The following NSUN6 variants were observed in gnomAD, a reference collection of about 807,000 sequenced individuals.
The protein encoded by NSUN6 is tRNA (cytosine(72)-C(5))-methyltransferase NSUN6.
A neutral mutation model predicts 58.0 loss-of-function variants in NSUN6; 64 were observed. That is an observed-to-expected ratio of 1.10 (90% CI 0.90 to 1.36). The LOEUF is 1.36. Ranked by LOEUF, NSUN6 falls within the 40% of genes most tolerant of loss-of-function variation. NSUN6 has a pLI of 0.00. For missense variants in NSUN6, 701 were observed against 550.1 expected, an observed-to-expected ratio of 1.27 and a Z score of -2.74; for synonymous variants, 231 against 193.9, an observed-to-expected ratio of 1.19 and a Z score of -1.59.
chr10:18,627,597 G>A (rs1590123946), intron 3 of NSUN6, among the ~76,000 whole-genome samples: 1 of 152,204 alleles, frequency 6.6e-6, no homozygotes. Flanking sequence ...TGCCTCACTC[G>A]GGAAGCACAA....
intron 6 of NSUN6, among the ~76,000 whole-genome samples, chr10:18,600,931 A>AAG (rs2057780648): frequency 2.7e-5 from 1 of 37,302 alleles, no homozygotes; most frequent in Non-Finnish European, 5.8e-5. Flanking sequence ...CCATCTCAAA[A>AAG]AAAAAAAAAA....
chr10:18,554,100 T>C (rs2054805384), intron 8 of NSUN6, among the ~76,000 whole-genome samples: 1 of 147,796 alleles, frequency 6.8e-6, no homozygotes, highest in African/African-American at 2.5e-5. Context: ...TGGAATGGAA[T>C]GGACAGGAAT....
chr10:18,568,551 C>T (rs1184894900), intron 8 of NSUN6, among the ~76,000 whole-genome samples: 1 of 149,996 alleles, frequency 6.7e-6, no homozygotes, highest in Non-Finnish European at 1.5e-5. Flanking sequence ...CATTCCAATC[C>T]ATTCTCCTTT....
upstream of NSUN6, chr10:18,654,981 G>C: frequency 1.4e-6 from 1 of 690,786 alleles, no homozygotes; most frequent in Non-Finnish European, 1.8e-6. Flanking sequence ...ATCAATCTTG[G>C]ATTGGTTCAT....
Position 18,545,752 on chromosome 10 carries a change from T to C in NSUN6, c.*181A>G, listed in dbSNP as rs528168608. On this transcript the variant is annotated 3_prime_UTR_variant, in exon 11 of 11. Coordinates refer to ENST00000377304, the MANE Select transcript of NSUN6 (RefSeq NM_182543.5). ...AATCTTTTAAAAACAGAAAATATAA[T>C]CTCATACCACCCCCTACTTCCTCTA... 5.4e-6 allele frequency: 3 copies of C among 554,964 alleles called. No individual in the cohort carries two copies. The African/African-American group carries it at 5.9e-5, about 11-fold the overall frequency. 34.4% of individuals were successfully genotyped at this position (554,964 alleles called of 1,614,324 possible).
chr10:18,627,152 T>TC (rs2058840263), intron 3 of NSUN6, among the ~76,000 whole-genome samples: 1 of 152,172 alleles, frequency 6.6e-6, no homozygotes, highest in Non-Finnish European at 1.5e-5. Context: ...AAAATATATT[T>TC]CACCAGTACC....
intron 6 of NSUN6, among the ~76,000 whole-genome samples, chr10:18,598,766 G>A (rs982821169): frequency 1.3e-5 from 2 of 152,096 alleles, no homozygotes; most frequent in African/African-American, 4.8e-5. Flanking sequence ...ATACCTGGCA[G>A]CAAGTTTTAT....
chr10:18,622,343 C>A (rs899378045), intron 3 of NSUN6, among the ~76,000 whole-genome samples: 1 of 152,150 alleles, frequency 6.6e-6, no homozygotes, highest in Admixed American at 6.6e-5. Flanking sequence ...TACTGGCACA[C>A]GTCGTGGATT....
intron 8 of NSUN6, among the ~76,000 whole-genome samples, chr10:18,562,364 CATGAAGAAGA>C (rs1158261952): frequency 7.5e-6 from 1 of 133,960 alleles, no homozygotes; most frequent in Non-Finnish European, 1.6e-5. Flanking sequence ...AACGGAATAG[CATGAAGAAGA>C]ATGGAGGATA....
chr10:18,569,463 C>T (rs1325772946), intron 8 of NSUN6, among the ~76,000 whole-genome samples: 2 of 151,134 alleles, frequency 1.3e-5, no homozygotes, highest in Admixed American at 6.6e-5. Context: ...ACCTCCATTC[C>T]ATTCCTTTCC....
intron 3 of NSUN6, among the ~76,000 whole-genome samples, chr10:18,639,104 C>G (rs2059315772): frequency 6.6e-6 from 1 of 151,798 alleles, no homozygotes; most frequent in African/African-American, 2.4e-5. Context: ...AACAAACAAA[C>G]AAAAAACAAC....
chr10:18,585,793 A>T (rs554764861), intron 8 of NSUN6, among the ~76,000 whole-genome samples, 156 bp downstream of exon 8: 1 of 56,396 alleles, frequency 1.8e-5, no homozygotes, highest in East Asian at 2.6e-3. Context: ...GTAAATTTCA[A>T]ATTACCACAA....
chr10:18,617,794 T>C (rs2131368475), intron 3 of NSUN6, among the ~76,000 whole-genome samples: 1 of 152,128 alleles, frequency 6.6e-6, no homozygotes, highest in Non-Finnish European at 1.5e-5. Flanking sequence ...GCTGTTCAGG[T>C]CATGAGTGCT....
intron 3 of NSUN6, among the ~76,000 whole-genome samples, chr10:18,624,556 C>T (rs2058720408): frequency 1.4e-5 from 2 of 140,932 alleles, no homozygotes; most frequent in Admixed American, 7.7e-5. Flanking sequence ...GAGGCTGAGG[C>T]AGGAGAATGG....
At chr10:18,587,383 T>A (rs976569766) in intron 7 of NSUN6, among the ~76,000 whole-genome samples, 2 of 152,190 alleles carry the variant, frequency 1.3e-5, no homozygotes, top group Admixed American at 1.3e-4. Context: ...CCAAAACCTC[T>A]GTATAGCATA....
At chr10:18,624,873 T>C (rs2058736156) in intron 3 of NSUN6, among the ~76,000 whole-genome samples, 1 of 152,076 alleles carries the variant, frequency 6.6e-6, no homozygotes, top group Admixed American at 6.5e-5. Flanking sequence ...TGGCTCACAA[T>C]TCCTAAACTC....
At chr10:18,591,362 C>G (rs2131165101) in intron 7 of NSUN6, among the ~76,000 whole-genome samples, 1 of 151,542 alleles carries the variant, frequency 6.6e-6, no homozygotes, top group East Asian at 1.9e-4. Context: ...AAAATGATTC[C>G]TCATTTTATG....
At chr10:18,639,502 AT>A (rs1224316912) in intron 3 of NSUN6, among the ~76,000 whole-genome samples, 3 of 152,356 alleles carry the variant, frequency 2.0e-5, no homozygotes, top group Middle Eastern at 3.4e-3. Context: ...CTCAAAAAAA[AT>A]AAAAACAAAA....
Position 18,616,203 on chromosome 10 carries a change from T to G in NSUN6, c.402A>C (p.Gly134=), listed in dbSNP as rs771157758. ...VLRGAHVYAP[G]IVSASQFMKA... ...ACTTACATTGTGATGCTGACACAAT[T>G]CCTGGGGCATAGACATGGGCTCCTC... The change falls in exon 4 of 11, where the codon GGA becomes GGC. Residue 134 remains glycine, a synonymous_variant. Coordinates refer to ENST00000377304, the MANE Select transcript of NSUN6 (RefSeq NM_182543.5). 2 of 1,580,206 alleles carry G rather than the reference T, an allele frequency of 1.3e-6. No individual in the cohort carries two copies. The highest frequency in any genetic ancestry group is 1.7e-6 in the Non-Finnish European group (2 of 1,149,288).
Sources: gnomAD v4.1 joint callset for allele counts (sites outside exome capture counted in the v4.1 genomes callset) on GRCh38, gnomAD v4.1.1 for gene constraint, MANE v1.5 for transcripts, NCBI Gene and HGNC (gene_info 2026-07-23, HGNC 2026-07-21) for gene names.